SLC35F1: variants seen among roughly 807,000 people sequenced by gnomAD.
The protein encoded by SLC35F1 is solute carrier family 35 member F1.
In SLC35F1, 14 loss-of-function variants were observed where a neutral mutation model predicts 48.7. That is an observed-to-expected ratio of 0.29 (90% CI 0.19 to 0.45). SLC35F1 has a LOEUF of 0.45. SLC35F1 is among the 20% of genes least tolerant of loss of function. SLC35F1 has a pLI of 1.00. For missense variants in SLC35F1, 404 were observed against 500.0 expected (o/e 0.81, Z 1.83); for synonymous variants, 190 against 202.2 (o/e 0.94, Z 0.51).
intron 3 of SLC35F1, among the ~76,000 whole-genome samples, chr6:118,264,278 TGACA>T (rs368497993): frequency 1.1e-4 from 16 of 152,218 alleles, no homozygotes; most frequent in African/African-American, 3.9e-4. Flanking sequence ...ATGTCCCTTC[TGACA>T]GTCAGTGATA....
chr6:118,087,198 T>G (rs184597482), intron 1 of SLC35F1, among the ~76,000 whole-genome samples: 1 of 152,150 alleles, frequency 6.6e-6, no homozygotes, highest in Non-Finnish European at 1.5e-5. Context: ...CCTTGGCTAG[T>G]AGATGACCAT....
At chr6:118,138,051 G>A (rs564999616) in intron 1 of SLC35F1, among the ~76,000 whole-genome samples, 1 of 152,246 alleles carries the variant, frequency 6.6e-6, no homozygotes, top group East Asian at 1.9e-4. Context: ...GCTCACACGT[G>A]TATACCCAGG....
At chr6:118,153,452 C>T (rs1449739268) in intron 1 of SLC35F1, among the ~76,000 whole-genome samples, 4 of 152,208 alleles carry the variant, frequency 2.6e-5, no homozygotes, top group Admixed American at 6.5e-5. Context: ...TAAAATAAAA[C>T]TTTCAATGAA....
In SLC35F1 at chr6:118,313,516, G is replaced by A. The variant is rs59036959; in HGVS notation, c.1003-512G>A. Among the ~76,000 whole-genome samples, 1,400 of 152,310 alleles carry A rather than the reference G, an allele frequency of 9.2e-3. 26 individuals are homozygous for A. The highest frequency in any genetic ancestry group is 0.032 in the African/African-American group (1,336 of 41,566). On this transcript the variant is annotated intron_variant, in intron 7 of 7. Coordinates refer to ENST00000360388, the MANE Select transcript of SLC35F1 (RefSeq NM_001029858.4). ...TAATCTTGCAAAGATATTTACCAAA[G>A]TCAGTAACAATTCCTCTTAGGAAGA...
chr6:118,266,028 G>A (rs1209413731), intron 3 of SLC35F1, among the ~76,000 whole-genome samples: 11 of 152,164 alleles, frequency 7.2e-5, no homozygotes, highest in Admixed American at 3.3e-4. Context: ...TGAGGGCCTC[G>A]TGATTTAAGA....
intron 1 of SLC35F1, among the ~76,000 whole-genome samples, chr6:118,145,681 A>G (rs996069075): frequency 3.9e-5 from 6 of 152,200 alleles, no homozygotes; most frequent in African/African-American, 1.4e-4. Context: ...TTCTAAGTAT[A>G]CAGTATACCT....
At chr6:117,934,515 G>A (rs746428814) in intron 1 of SLC35F1, among the ~76,000 whole-genome samples, 95 of 152,062 alleles carry the variant, frequency 6.2e-4, no homozygotes. Flanking sequence ...TTTGCACAAC[G>A]TATTTTAAAA....
chr6:118,247,665 G>A (rs1003008896), intron 3 of SLC35F1, among the ~76,000 whole-genome samples: 4 of 151,826 alleles, frequency 2.6e-5, no homozygotes, highest in Non-Finnish European at 4.4e-5. Flanking sequence ...AATCTGTGAA[G>A]AGTGAAACAC....
chr6:118,143,392 C>G (rs1346832642), intron 1 of SLC35F1, among the ~76,000 whole-genome samples: 3 of 152,150 alleles, frequency 2.0e-5, no homozygotes, highest in African/African-American at 7.2e-5. Flanking sequence ...CCCCTCTTTC[C>G]TACTCTCCAA....
At chr6:118,006,825 G>A (rs965275684) in intron 1 of SLC35F1, among the ~76,000 whole-genome samples, 1 of 152,042 alleles carries the variant, frequency 6.6e-6, no homozygotes, top group African/African-American at 2.4e-5. Context: ...TAGCTCATGA[G>A]ATGAGTAGTT....
intron 1 of SLC35F1, among the ~76,000 whole-genome samples, chr6:117,919,936 A>G (rs910796375): frequency 6.6e-6 from 1 of 152,156 alleles, no homozygotes; most frequent in Non-Finnish European, 1.5e-5. Context: ...GGGAGATTAC[A>G]AAACGAGCGT....
At chr6:118,081,781 A>G (rs1772912001) in intron 1 of SLC35F1, among the ~76,000 whole-genome samples, 1 of 152,188 alleles carries the variant, frequency 6.6e-6, no homozygotes, top group South Asian at 2.1e-4. Context: ...CAAGCCTTCT[A>G]AATTTCATGA....
chr6:118,301,563 T>C (rs1582778361), intron 7 of SLC35F1, among the ~76,000 whole-genome samples: 2 of 152,360 alleles, frequency 1.3e-5, no homozygotes, highest in East Asian at 3.9e-4. Context: ...AAATAAATTT[T>C]AATATTATAG....
At chr6:118,052,432 A>G (rs1323171809) in intron 1 of SLC35F1, among the ~76,000 whole-genome samples, 3 of 152,200 alleles carry the variant, frequency 2.0e-5, no homozygotes, top group Admixed American at 1.3e-4. Context: ...TGCAGTACCT[A>G]GTTACTATTG....
chr6:118,050,053 A>C (rs899297518), intron 1 of SLC35F1, among the ~76,000 whole-genome samples: 1 of 152,172 alleles, frequency 6.6e-6, no homozygotes, highest in African/African-American at 2.4e-5. Flanking sequence ...TGATGAGTTC[A>C]TGTCCTTTGT....
rs139266945 is a variant in SLC35F1, at chr6:118,248,682, T to G, written c.477+13046T>G. Among the ~76,000 whole-genome samples the G allele has an allele frequency of 1.9e-4, 29 of 152,288 alleles. No individual in the cohort carries two copies. The East Asian group carries it at 5.2e-3, about 27-fold the overall frequency. Reference sequence around the variant, plus strand: ...AACACAACCCTGCCATCCCCTTGATTTTAGGACTTCTGACCTCCAGAACTA... The same window carrying G: ...AACACAACCCTGCCATCCCCTTGATGTTAGGACTTCTGACCTCCAGAACTA... On this transcript the variant is annotated intron_variant, in intron 3 of 7. Transcript: ENST00000360388.
At chr6:118,083,218 TG>T (rs879270547) in intron 1 of SLC35F1, among the ~76,000 whole-genome samples, 3 of 152,150 alleles carry the variant, frequency 2.0e-5, no homozygotes, top group Non-Finnish European at 2.9e-5. Context: ...GTGACTGAAA[TG>T]GAAACTAAAT....
At chr6:118,163,719 T>C (rs1189968308) in intron 2 of SLC35F1, among the ~76,000 whole-genome samples, 1 of 152,250 alleles carries the variant, frequency 6.6e-6, no homozygotes, top group Non-Finnish European at 1.5e-5. Flanking sequence ...ATGATAACTG[T>C]ATTGCCTGAA....
chr6:118,149,610 A>G (rs1310987109), intron 1 of SLC35F1, among the ~76,000 whole-genome samples: 1 of 152,206 alleles, frequency 6.6e-6, no homozygotes, highest in African/African-American at 2.4e-5. Context: ...AGACTCATGA[A>G]CTAATCTGAT....
Sources: allele counts gnomAD v4.1 joint callset (sites outside exome capture counted in the v4.1 genomes callset), GRCh38; gene constraint gnomAD v4.1.1; transcripts MANE v1.5; gene names NCBI Gene and HGNC (gene_info 2026-07-23, HGNC 2026-07-21).